NOX4: variants seen among roughly 807,000 people sequenced by gnomAD.
The protein encoded by NOX4 is NADPH oxidase 4, also known as kidney oxidase-1.
In NOX4, 69 loss-of-function variants were observed where a neutral mutation model predicts 87.6. That is an observed-to-expected ratio of 0.79 (90% CI 0.65 to 0.96). The LOEUF is 0.96. NOX4 is among the 40% of genes least tolerant of loss of function. The pLI is 0.00. For missense variants in NOX4, 680 were observed against 681.5 expected, an observed-to-expected ratio of 1.00 and a Z score of 0.02; for synonymous variants, 275 against 238.2, an observed-to-expected ratio of 1.15 and a Z score of -1.42.
intron 13 of NOX4, among the ~76,000 whole-genome samples, chr11:89,347,402 C>T (rs114852596): frequency 1.2e-4 from 18 of 152,272 alleles, no homozygotes; most frequent in Admixed American, 5.2e-4. Flanking sequence ...GAGCTGACAA[C>T]GAGAATGGTG....
intron 12 of NOX4, among the ~76,000 whole-genome samples, chr11:89,359,750 C>T (rs1426482843): frequency 6.6e-6 from 1 of 151,904 alleles, no homozygotes; most frequent in Non-Finnish European, 1.5e-5. Context: ...AACTGCCTCT[C>T]TATAACCTCC....
At chr11:89,516,397 G>A in the NOX4 span, among the ~76,000 whole-genome samples, 1 of 152,074 alleles carries the variant, frequency 6.6e-6, no homozygotes, top group Non-Finnish European at 1.5e-5. Context: ...GAAAAACACT[G>A]TCAAGGTATA....
At chr11:89,422,286 CTG>C (rs2135266255) in intron 7 of NOX4, among the ~76,000 whole-genome samples, 1 of 152,214 alleles carries the variant, frequency 6.6e-6, no homozygotes, top group South Asian at 2.1e-4. Flanking sequence ...AGATAGTAGT[CTG>C]CTAATATGTA....
At chr11:89,406,970 A>T (rs144103472) in intron 8 of NOX4, among the ~76,000 whole-genome samples, 1 of 152,072 alleles carries the variant, frequency 6.6e-6, no homozygotes, top group Non-Finnish European at 1.5e-5. Flanking sequence ...GAATAGGAGA[A>T]TGGCATTCCA....
chr11:89,425,990 GA>G (rs1186428121), intron 7 of NOX4, among the ~76,000 whole-genome samples: 1 of 151,982 alleles, frequency 6.6e-6, no homozygotes, highest in Non-Finnish European at 1.5e-5. Flanking sequence ...AGTTTGTTCA[GA>G]AGCATCAACA....
chr11:89,420,481 T>C (rs1028524417), intron 8 of NOX4, among the ~76,000 whole-genome samples: 2 of 152,124 alleles, frequency 1.3e-5, no homozygotes, highest in African/African-American at 2.4e-5. Flanking sequence ...GAATTAGTTA[T>C]AATGTGTGGC....
chr11:89,380,307 A>G (rs1440421552), intron 11 of NOX4, among the ~76,000 whole-genome samples: 1 of 152,198 alleles, frequency 6.6e-6, no homozygotes, highest in African/African-American at 2.4e-5. Flanking sequence ...GTGTTTCAGT[A>G]AAGTGAATGA....
intron 2 of NOX4, among the ~76,000 whole-genome samples, chr11:89,463,132 A>G (rs935878371): frequency 2.0e-5 from 3 of 151,990 alleles, no homozygotes; most frequent in Admixed American, 1.3e-4. Flanking sequence ...TCCATTTAAT[A>G]AAAACAAAAA....
chr11:89,523,884 G>A, the NOX4 span, among the ~76,000 whole-genome samples: 1 of 152,126 alleles, frequency 6.6e-6, no homozygotes, highest in African/African-American at 2.4e-5. Context: ...ACAAACATAT[G>A]TATAGCATGA....
At chr11:89,373,689 T>C (rs1009573508) in intron 11 of NOX4, among the ~76,000 whole-genome samples, 197 bp from the exon 12 acceptor site, 30 of 152,144 alleles carry the variant, frequency 2.0e-4, no homozygotes, top group Admixed American at 4.6e-4. Flanking sequence ...AATCTACATT[T>C]CTCTAAAACC....
chr11:89,361,574 C>T (rs997100619), intron 12 of NOX4, among the ~76,000 whole-genome samples: 3 of 151,814 alleles, frequency 2.0e-5, no homozygotes. Flanking sequence ...ATACATGGAA[C>T]CAAAATCTAC....
intron 8 of NOX4, among the ~76,000 whole-genome samples, chr11:89,417,000 C>T (rs910564513): frequency 2.0e-5 from 3 of 152,068 alleles, no homozygotes; most frequent in Non-Finnish European, 4.4e-5. Context: ...TGAGGAGGAC[C>T]TTCCCCTCTA....
the NOX4 span, among the ~76,000 whole-genome samples, chr11:89,539,269 T>C: frequency 9.9e-5 from 15 of 151,864 alleles, no homozygotes; most frequent in African/African-American, 4.8e-5. Flanking sequence ...CCATCCCTAC[T>C]AAAAAATACA....
Position 89,399,980 on chromosome 11 carries a change from C to T in NOX4, c.1074+37G>A, listed in dbSNP as rs745770053. On this transcript the variant is annotated intron_variant, in intron 11 of 17. Coordinates refer to ENST00000263317, the MANE Select transcript of NOX4 (RefSeq NM_016931.5). ...AAAAAAAGAAAAATATGCATAGCACCCTACAAATGTGAAAAAGCAAGAGAT... is the reference window on the plus strand; with the variant it reads ...AAAAAAAGAAAAATATGCATAGCACTCTACAAATGTGAAAAAGCAAGAGAT... The T allele has an allele frequency of 2.6e-6, 4 of 1,509,794 alleles. No homozygotes were observed. In the South Asian group the frequency reaches 3.5e-5, roughly 13 times the overall value. The allele number at this position is 1,509,794 out of a possible 1,614,324, so 93.5% of individuals were successfully genotyped here. A position where few individuals can be genotyped will look rare whatever the true frequency, so the allele number is the denominator to read the frequency against.
At chr11:89,482,533 A>G (rs1029363732) in intron 2 of NOX4, among the ~76,000 whole-genome samples, 3 of 152,078 alleles carry the variant, frequency 2.0e-5, no homozygotes, top group Admixed American at 6.6e-5. Flanking sequence ...AAAGCCCTCT[A>G]TAAGTCAAGG....
intron 5 of NOX4, 68 bp from the exon 6 acceptor site, chr11:89,440,783 G>T: frequency 1.1e-6 from 1 of 888,520 alleles, no homozygotes; most frequent in Non-Finnish European, 1.7e-6. Context: ...TCTATAAAGA[G>T]TATGCAGGAT....
At chr11:89,500,344 A>G (rs1947003827), upstream of NOX4, among the ~76,000 whole-genome samples, 1 of 152,200 alleles carries the variant, frequency 6.6e-6, no homozygotes, top group African/African-American at 2.4e-5. Flanking sequence ...CCTTTCTTAA[A>G]ATTTGTATGT....
At chr11:89,369,040 T>C (rs1939237735) in intron 12 of NOX4, among the ~76,000 whole-genome samples, 1 of 152,262 alleles carries the variant, frequency 6.6e-6, no homozygotes, top group African/African-American at 2.4e-5. Flanking sequence ...ATTTTAAACC[T>C]GTTCTTTAGT....
chr11:89,467,455 C>T (rs551289504), intron 2 of NOX4, among the ~76,000 whole-genome samples: 29 of 151,458 alleles, frequency 1.9e-4, no homozygotes, highest in Non-Finnish European at 3.8e-4. Flanking sequence ...TAAGAAAATA[C>T]CATAAACTGT....
Sources: gnomAD v4.1 joint callset for allele counts (sites outside exome capture counted in the v4.1 genomes callset) on GRCh38, gnomAD v4.1.1 for gene constraint, MANE v1.5 for transcripts, NCBI Gene and HGNC (gene_info 2026-07-23, HGNC 2026-07-21) for gene names.